Variants in TAFA2 observed in about 807,000 individuals in gnomAD.
The protein encoded by TAFA2 is chemokine-like protein TAFA-2.
TAFA2 carries 7 observed loss-of-function variants against 18.8 expected under a neutral mutation model. The ratio of observed to expected loss-of-function variants is 0.37; its 90% CI spans 0.21 to 0.70. TAFA2 has a LOEUF of 0.70. TAFA2 is among the 30% of genes least tolerant of loss of function. TAFA2 has a pLI of 0.53. For synonymous variants in TAFA2, 60 were observed against 54.2 expected (o/e 1.11, Z -0.47); for missense variants, 122 against 158.1 (o/e 0.77, Z 1.23).
intron 1 of TAFA2, among the ~76,000 whole-genome samples, chr12:62,046,504 T>G (rs1881912997): frequency 6.6e-6 from 1 of 152,158 alleles, no homozygotes; most frequent in African/African-American, 2.4e-5. Flanking sequence ...GGTGTATTAT[T>G]ATGTCACTGA....
rs75650683 is a variant in TAFA2 at position 61,909,466 on chromosome 12, G to A, written c.-1-42040C>T. On this transcript the variant is annotated intron_variant, in intron 1 of 4. Transcript: ENST00000416284. ...TCCTGATGCTATCAGCCAGGAAAGA[G>A]TATGGTGATAGCAGAGCTGTGAAAG... 2.8e-4 allele frequency among the ~76,000 whole-genome samples: 43 copies of A among 152,304 alleles called. 1 individual carries two copies. In the East Asian group the frequency reaches 7.9e-3, roughly 28 times the overall value.
intron 1 of TAFA2, among the ~76,000 whole-genome samples, chr12:61,979,113 G>C (rs1879540804): frequency 1.3e-5 from 2 of 152,068 alleles, no homozygotes; most frequent in Non-Finnish European, 2.9e-5. Context: ...ATAACGTCAT[G>C]TTACTCTCTT....
rs967680861 is a variant in TAFA2 at position 62,111,696 on chromosome 12, T to G, written c.-2+79563A>C. ...CTGTATTGGGTACATATATATTTAG[T>G]ATAGTTAGCTCTTCTTGTTGAATTG... On this transcript the variant is annotated intron_variant, in intron 1 of 4. Transcript: ENST00000416284. Among the ~76,000 whole-genome samples the G allele has an allele frequency of 7.9e-5, 12 of 152,148 alleles. 1 individual carries two copies. Among genetic ancestry groups the G allele is most frequent in the Admixed American group, 7.9e-4 (12 of 15,266 alleles).
At chr12:61,977,103 A>G (rs948006847) in intron 1 of TAFA2, among the ~76,000 whole-genome samples, 1 of 152,000 alleles carries the variant, frequency 6.6e-6, no homozygotes. Context: ...AAATGGGGTC[A>G]TTTAAAAACT....
chr12:62,257,162 ATG>A lies in TAFA2; in HGVS notation c.-130+1599_-130+1600del, dbSNP rs71450578. On this transcript the variant is annotated intron_variant, in intron 1 of 5. Coordinates refer to the TAFA2 transcript ENST00000551619. ...CATGTGTATATATATATACATATAT[ATG>A]TGTGTGTGTGTGTGTGTGTGTGTGT... Among the ~76,000 whole-genome samples, 114 of 50,944 alleles carry A rather than the reference ATG, an allele frequency of 2.2e-3. 4 individuals carry two copies. Among genetic ancestry groups the A allele is most frequent in the Non-Finnish European group, 2.6e-3 (62 of 23,798 alleles). 33.4% of individuals were successfully genotyped at this position (50,944 alleles called of 152,430 possible).
At chr12:62,042,821 T>C (rs1030061749) in intron 1 of TAFA2, among the ~76,000 whole-genome samples, 1 of 152,094 alleles carries the variant, frequency 6.6e-6, no homozygotes, top group African/African-American at 2.4e-5. Flanking sequence ...AGGTTAATTG[T>C]GCTACATCCA....
chr12:62,228,894 A>G lies in TAFA2; in HGVS notation c.-130+29869T>C, dbSNP rs548496362. 3.1e-4 allele frequency among the ~76,000 whole-genome samples: 47 copies of G among 152,212 alleles called. 1 individual carries two copies. In the South Asian group the frequency reaches 4.1e-3, roughly 13 times the overall value. ...TTATACACCCTCTTCAACTTCTTTC[A>G]TCAGTGTCTTAACAATTTTCCTTGT... On this transcript the variant is annotated intron_variant, in intron 1 of 5. Coordinates refer to the TAFA2 transcript ENST00000551619.
chr12:62,059,674 G>A (rs1464361908), intron 1 of TAFA2, among the ~76,000 whole-genome samples: 1 of 152,164 alleles, frequency 6.6e-6, no homozygotes, highest in Non-Finnish European at 1.5e-5. Flanking sequence ...TCCAGGCAGA[G>A]TCAACAGCAG....
At chr12:61,973,026 A>T (rs1413647841) in intron 1 of TAFA2, among the ~76,000 whole-genome samples, 1 of 151,708 alleles carries the variant, frequency 6.6e-6, no homozygotes, top group East Asian at 1.9e-4. Flanking sequence ...TTAGCATCCC[A>T]GAAAAAGATA....
chr12:61,774,578 A>T (rs1335729072), intron 2 of TAFA2, among the ~76,000 whole-genome samples: 1 of 151,924 alleles, frequency 6.6e-6, no homozygotes, highest in Non-Finnish European at 1.5e-5. Context: ...ATGGAAAACC[A>T]AATATTGTAT....
At chr12:62,041,349 C>T (rs189324280) in intron 1 of TAFA2, among the ~76,000 whole-genome samples, 1 of 152,158 alleles carries the variant, frequency 6.6e-6, no homozygotes, top group East Asian at 1.9e-4. Context: ...CTTTGCATGG[C>T]ACTATAACTG....
intron 2 of TAFA2, among the ~76,000 whole-genome samples, chr12:61,833,406 G>A (rs1205261834): frequency 1.3e-5 from 2 of 151,838 alleles, no homozygotes; most frequent in Non-Finnish European, 2.9e-5. Context: ...TTATAGAGTA[G>A]CCCCAAACTA....
At chr12:61,792,593 A>G (rs796333793) in intron 2 of TAFA2, among the ~76,000 whole-genome samples, 3 of 151,184 alleles carry the variant, frequency 2.0e-5, no homozygotes, top group African/African-American at 7.2e-5. Flanking sequence ...AATGATAGAA[A>G]AAACATACCA....
intron 1 of TAFA2, among the ~76,000 whole-genome samples, chr12:62,148,870 T>C (rs2062306047): frequency 6.6e-6 from 1 of 152,200 alleles, no homozygotes; most frequent in Non-Finnish European, 1.5e-5. Context: ...ATAATACATA[T>C]GTCTTAATGT....
intron 2 of TAFA2, among the ~76,000 whole-genome samples, chr12:61,818,490 TACACACACACACACACAC>T (rs3034071): frequency 2.1e-5 from 3 of 140,708 alleles, no homozygotes; most frequent in Non-Finnish European, 3.2e-5. Context: ...CTCAAAAAAA[TACACACACACACACACAC>T]ACACACACAC....
chr12:62,236,133 A>G (rs768572631), intron 1 of TAFA2, among the ~76,000 whole-genome samples: 3 of 152,092 alleles, frequency 2.0e-5, no homozygotes, highest in African/African-American at 7.2e-5. Context: ...ATTATTTTTG[A>G]TAGATTTGTC....
intron 4 of TAFA2, among the ~76,000 whole-genome samples, chr12:61,716,884 A>C (rs1869684635): frequency 3.3e-5 from 5 of 152,232 alleles, no homozygotes. Context: ...AATCCTTTTA[A>C]GATGGCTGCT....
At chr12:61,748,214 G>A (rs1868826775) in intron 4 of TAFA2, among the ~76,000 whole-genome samples, 1 of 152,244 alleles carries the variant, frequency 6.6e-6, no homozygotes, top group African/African-American at 2.4e-5. Context: ...TAATTTTAAT[G>A]TAGCATACAT....
At chr12:61,907,921 G>C (rs1358433568) in intron 1 of TAFA2, among the ~76,000 whole-genome samples, 1 of 152,126 alleles carries the variant, frequency 6.6e-6, no homozygotes, top group Non-Finnish European at 1.5e-5. Context: ...GAGGCCTGCA[G>C]GCCCTTTGTT....
Sources: allele counts gnomAD v4.1 joint callset (sites outside exome capture counted in the v4.1 genomes callset), GRCh38; gene constraint gnomAD v4.1.1; transcripts MANE v1.5; gene names NCBI Gene and HGNC (gene_info 2026-07-23, HGNC 2026-07-21).